ADAMTSL1: variants seen among roughly 807,000 people sequenced by gnomAD.
The protein encoded by ADAMTSL1 is ADAMTS like 1, also known as ADAMTS-like protein 1.
Under a neutral mutation model 201.8 loss-of-function variants are expected in ADAMTSL1, and 126 were observed. The ratio of observed to expected loss-of-function variants is 0.62; its 90% CI spans 0.54 to 0.72. ADAMTSL1 has a LOEUF of 0.72. Ranked by LOEUF, ADAMTSL1 falls within the 30% of genes least tolerant of loss-of-function variation. The pLI is 0.00. For synonymous variants in ADAMTSL1, 1,121 were observed against 903.4 expected (o/e 1.24, Z -4.32); for missense variants, 2,679 against 2,277.8 (o/e 1.18, Z -3.59).
At chr9:18,813,684 T>C (rs1823653837) in intron 20 of ADAMTSL1, among the ~76,000 whole-genome samples, 1 of 152,264 alleles carries the variant, frequency 6.6e-6, no homozygotes, top group Non-Finnish European at 1.5e-5. Context: ...GCAACTTTAC[T>C]GAATTTGTTT....
chr9:18,689,723 G>C (rs971138345), intron 13 of ADAMTSL1, among the ~76,000 whole-genome samples: 2 of 152,078 alleles, frequency 1.3e-5, no homozygotes, highest in South Asian at 2.1e-4. Context: ...CAGTTGCTTT[G>C]GACACAGTGT....
At chr9:18,607,455 C>T (rs973463935) in intron 4 of ADAMTSL1, among the ~76,000 whole-genome samples, 25 of 151,950 alleles carry the variant, frequency 1.6e-4, no homozygotes, top group Non-Finnish European at 2.2e-4. Context: ...TTGAAAAGAA[C>T]GCATTGCATA....
intron 4 of ADAMTSL1, among the ~76,000 whole-genome samples, chr9:18,620,227 T>C (rs1164733385): frequency 6.6e-6 from 1 of 152,110 alleles, no homozygotes; most frequent in African/African-American, 2.4e-5. Flanking sequence ...ATTCTTCATA[T>C]TTTATGCTCT....
chr9:17,961,659 A>T (rs895339796), intron 1 of ADAMTSL1, among the ~76,000 whole-genome samples: 4 of 152,162 alleles, frequency 2.6e-5, no homozygotes, highest in African/African-American at 9.7e-5. Context: ...TGCTGATTTG[A>T]TTTCAGCTCC....
chr9:18,738,695 A>G (rs1002474834), intron 15 of ADAMTSL1, among the ~76,000 whole-genome samples: 2 of 152,212 alleles, frequency 1.3e-5, no homozygotes, highest in Non-Finnish European at 2.9e-5. Flanking sequence ...TCTGTGGCCT[A>G]CAGAATGTGA....
intron 1 of ADAMTSL1, among the ~76,000 whole-genome samples, chr9:17,929,693 T>G (rs1826700903): frequency 3.9e-5 from 6 of 152,208 alleles, no homozygotes; most frequent in Admixed American, 3.9e-4. Flanking sequence ...TATTTTGAAT[T>G]AATTACTTTA....
Position 18,690,164 on chromosome 9 carries a change from C to T in ADAMTSL1, c.1574+5364C>T, listed in dbSNP as rs537220529. 2.6e-5 allele frequency among the ~76,000 whole-genome samples: 4 copies of T among 152,192 alleles called. No homozygotes were observed. The East Asian group carries it at 7.7e-4, about 29-fold the overall frequency. On this transcript the variant is annotated intron_variant, in intron 13 of 28. Transcript: ENST00000380548. ...AAGGAATTAGATGCATATAGAAAAA[C>T]CAATAAGAGTCACCATGGTGATTCT...
chr9:17,928,500 G>T (rs1826645515), intron 1 of ADAMTSL1, among the ~76,000 whole-genome samples: 1 of 152,130 alleles, frequency 6.6e-6, no homozygotes, highest in Non-Finnish European at 1.5e-5. Context: ...AGCCAAGGAG[G>T]ATTCTTGTGT....
At chr9:18,311,002 C>T (rs1227621802) in intron 2 of ADAMTSL1, among the ~76,000 whole-genome samples, 1 of 151,516 alleles carries the variant, frequency 6.6e-6, no homozygotes, top group Non-Finnish European at 1.5e-5. Flanking sequence ...GGCACATATA[C>T]ACCATGGAAT....
intron 2 of ADAMTSL1, among the ~76,000 whole-genome samples, chr9:18,318,662 T>C (rs1834502454): frequency 6.6e-6 from 1 of 152,036 alleles, no homozygotes; most frequent in African/African-American, 2.4e-5. Context: ...GCTGATATGA[T>C]TGGAAAAAGT....
intron 1 of ADAMTSL1, among the ~76,000 whole-genome samples, chr9:18,049,189 A>G (rs1464823159): frequency 6.6e-6 from 1 of 152,190 alleles, no homozygotes; most frequent in East Asian, 1.9e-4. Flanking sequence ...CAAAGACCCT[A>G]TTTCCAAATA....
chr9:18,633,996 C>T (rs2132757228), intron 5 of ADAMTSL1, among the ~76,000 whole-genome samples: 1 of 152,158 alleles, frequency 6.6e-6, no homozygotes, highest in South Asian at 2.1e-4. Context: ...TACTGTGTTC[C>T]AGGCTATACA....
chr9:18,325,373 T>G (rs927356387), intron 2 of ADAMTSL1, among the ~76,000 whole-genome samples: 1 of 152,360 alleles, frequency 6.6e-6, no homozygotes, highest in South Asian at 2.1e-4. Flanking sequence ...GTAACACAGT[T>G]GTGATGTATT....
chr9:18,188,524 A>G lies in ADAMTSL1; in HGVS notation c.207+24543A>G, dbSNP rs372497278. On this transcript the variant is annotated intron_variant, in intron 2 of 29. Transcript: ENST00000680146. Reference sequence around the variant, plus strand: ...ATTTACTTTTACTAGATGAGAAAGGATGCAAATAGGTGAAAATCACTGGAA... The same window carrying G: ...ATTTACTTTTACTAGATGAGAAAGGGTGCAAATAGGTGAAAATCACTGGAA... Among the ~76,000 whole-genome samples the G allele has an allele frequency of 8.9e-4, 135 of 152,284 alleles. 4 individuals are homozygous for G. The South Asian group carries it at 0.027, about 30-fold the overall frequency.
In ADAMTSL1 at chr9:18,336,904, T is replaced by C. The variant is rs560657193; in HGVS notation, c.208-167925T>C. ...GATATTATAATAAATATCATGACTA[T>C]GCACATAAACCTCACTGTGTGCCAG... On this transcript the variant is annotated intron_variant, in intron 2 of 29. Transcript: ENST00000680146. Among the ~76,000 whole-genome samples the C allele has an allele frequency of 2.6e-4, 40 of 152,282 alleles. 1 individual carries two copies. In the South Asian group the frequency reaches 8.1e-3, roughly 31 times the overall value.
At chr9:18,812,085 G>A (rs1823539937) in intron 20 of ADAMTSL1, among the ~76,000 whole-genome samples, 1 of 152,236 alleles carries the variant, frequency 6.6e-6, no homozygotes, top group Middle Eastern at 3.4e-3. Context: ...TTTTATACAT[G>A]TAGAGAAGAT....
chr9:18,701,818 A>G (rs1040877035), intron 13 of ADAMTSL1, among the ~76,000 whole-genome samples: 3 of 152,214 alleles, frequency 2.0e-5, no homozygotes, highest in Admixed American at 1.3e-4. Context: ...AATAATCCCA[A>G]TGATTTTTAA....
intron 13 of ADAMTSL1, among the ~76,000 whole-genome samples, chr9:18,688,194 G>A (rs1830960309): frequency 6.6e-6 from 1 of 151,118 alleles, no homozygotes; most frequent in Admixed American, 6.6e-5. Flanking sequence ...CGTGATCTCG[G>A]CTCACTGCAA....
At chr9:18,619,717 C>T (rs1179641653) in intron 4 of ADAMTSL1, among the ~76,000 whole-genome samples, 1 of 152,140 alleles carries the variant, frequency 6.6e-6, no homozygotes, top group East Asian at 1.9e-4. Context: ...CCATTAGAGG[C>T]ATCAGAGTCC....
Sources: allele counts gnomAD v4.1 joint callset (sites outside exome capture counted in the v4.1 genomes callset), GRCh38; gene constraint gnomAD v4.1.1; transcripts MANE v1.5; gene names NCBI Gene and HGNC (gene_info 2026-07-23, HGNC 2026-07-21).